The following OSBPL9 variants were observed in gnomAD, a reference collection of about 807,000 sequenced individuals.
OSBPL9 encodes oxysterol binding protein like 9.
A neutral mutation model predicts 106.6 loss-of-function variants in OSBPL9; 40 were observed. That is an observed-to-expected ratio of 0.38 (90% CI 0.29 to 0.49). The LOEUF is 0.49. Among genes scored for constraint, OSBPL9 ranks in the 20% least tolerant of loss-of-function variants. The pLI is 0.97. For synonymous variants in OSBPL9, 269 were observed against 295.4 expected, an observed-to-expected ratio of 0.91 and a Z score of 0.92; for missense variants, 609 against 887.2, an observed-to-expected ratio of 0.69 and a Z score of 3.98.
chr1:51,532,211 A>G, the OSBPL9 span, among the ~76,000 whole-genome samples: 1 of 152,236 alleles, frequency 6.6e-6, no homozygotes, highest in African/African-American at 2.4e-5. Flanking sequence ...TGTCTAGCTG[A>G]AATGAAGAGC....
upstream of OSBPL9, among the ~76,000 whole-genome samples, chr1:51,572,846 TA>T (rs1267051501): frequency 3.3e-5 from 5 of 152,246 alleles, no homozygotes; most frequent in Admixed American, 3.3e-4. Context: ...TTCCATCTGC[TA>T]ATTTTTTTAG....
At chr1:51,758,191 C>T (rs1340999730) in intron 9 of OSBPL9, among the ~76,000 whole-genome samples, 1 of 152,046 alleles carries the variant, frequency 6.6e-6, no homozygotes, top group Non-Finnish European at 1.5e-5. Context: ...CAAATTTAAT[C>T]ATAGATCTAA....
At chr1:51,627,205 T>C (rs1293434014) in intron 1 of OSBPL9, among the ~76,000 whole-genome samples, 1 of 152,168 alleles carries the variant, frequency 6.6e-6, no homozygotes, top group African/African-American at 2.4e-5. Flanking sequence ...CTTGCCATGT[T>C]GCTCACACTG....
the OSBPL9 span, among the ~76,000 whole-genome samples, chr1:51,571,240 A>T: frequency 6.6e-6 from 1 of 152,220 alleles, no homozygotes; most frequent in Non-Finnish European, 1.5e-5. Context: ...GAAAGACTCA[A>T]TAAGTATGTG....
the OSBPL9 span, among the ~76,000 whole-genome samples, chr1:51,544,836 G>GTTTT: frequency 6.1e-4 from 77 of 126,682 alleles, no homozygotes; most frequent in African/African-American, 1.2e-3. Context: ...TAAGAGACAT[G>GTTTT]CTTTTTTTTT....
At chr1:51,702,735 TG>T (rs1400526478) in intron 3 of OSBPL9, among the ~76,000 whole-genome samples, 1 of 152,258 alleles carries the variant, frequency 6.6e-6, no homozygotes, top group Non-Finnish European at 1.5e-5. Context: ...ATGTCCTGAA[TG>T]GTATTGCCTA....
chr1:51,593,055 G>C (rs1482022185), intron 1 of OSBPL9, among the ~76,000 whole-genome samples: 1 of 152,170 alleles, frequency 6.6e-6, no homozygotes, highest in Non-Finnish European at 1.5e-5. Context: ...CTTTGTTACA[G>C]TGAAGCTGAG....
chr1:51,699,651 C>T (rs1656817543), intron 3 of OSBPL9, among the ~76,000 whole-genome samples: 2 of 152,106 alleles, frequency 1.3e-5, no homozygotes, highest in African/African-American at 4.8e-5. Flanking sequence ...TCATTTTATA[C>T]CTTCTCTGTC....
At chr1:51,775,385 C>G (rs1674816835) in intron 14 of OSBPL9, among the ~76,000 whole-genome samples, 1 of 151,724 alleles carries the variant, frequency 6.6e-6, no homozygotes, top group Middle Eastern at 3.2e-3. Context: ...TTATCACAGC[C>G]TTACTCTTCT....
At chr1:51,540,116 C>A in the OSBPL9 span, among the ~76,000 whole-genome samples, 1 of 152,112 alleles carries the variant, frequency 6.6e-6, no homozygotes, top group African/African-American at 2.4e-5. Context: ...ATATTGTTTT[C>A]TCTGATCTTC....
chr1:51,605,735 C>T (rs1042285703), intron 2 of OSBPL9, among the ~76,000 whole-genome samples: 2 of 152,150 alleles, frequency 1.3e-5, no homozygotes, highest in African/African-American at 4.8e-5. Flanking sequence ...GTAATCCCAG[C>T]ACTTTGGGAG....
chr1:51,692,435 A>G (rs909912043), intron 3 of OSBPL9, among the ~76,000 whole-genome samples: 13 of 152,324 alleles, frequency 8.5e-5, no homozygotes, highest in African/African-American at 2.6e-4. Flanking sequence ...TACATGCCAT[A>G]CTTTTTTATG....
chr1:51,763,871 AT>A (rs768175036), intron 11 of OSBPL9, among the ~76,000 whole-genome samples: 8 of 152,204 alleles, frequency 5.3e-5, no homozygotes, highest in Non-Finnish European at 1.2e-4. Context: ...AACAACCAAA[AT>A]TCCAAAATTT....
chr1:51,622,209 G>T lies in OSBPL9; in HGVS notation c.111+4988G>T, dbSNP rs370659136. On this transcript the variant is annotated intron_variant, in intron 1 of 23. Transcript: ENST00000428468. ...GGGGGAGAGAAGTGGTTGCTTTGGG[G>T]CATGTTGAAATTGACATAAAGATGT... Among the ~76,000 whole-genome samples, 139 of 152,262 alleles carry T rather than the reference G, an allele frequency of 9.1e-4. 1 individual carries two copies. Among genetic ancestry groups the T allele is most frequent in the African/African-American group, 3.3e-3 (137 of 41,548 alleles).
intron 3 of OSBPL9, among the ~76,000 whole-genome samples, chr1:51,688,386 C>G (rs557247563): frequency 6.6e-6 from 1 of 152,228 alleles, no homozygotes; most frequent in South Asian, 2.1e-4. Flanking sequence ...AATCTCAATA[C>G]TATGGGAGTT....
At chr1:51,642,083 G>A (rs1471891200) in intron 1 of OSBPL9, among the ~76,000 whole-genome samples, 1 of 152,108 alleles carries the variant, frequency 6.6e-6, no homozygotes, top group Non-Finnish European at 1.5e-5. Context: ...AATCTGTGAA[G>A]TTTAATTTGT....
intron 4 of OSBPL9, among the ~76,000 whole-genome samples, chr1:51,734,594 G>C (rs1042424542): frequency 1.3e-5 from 2 of 152,074 alleles, no homozygotes; most frequent in African/African-American, 4.8e-5. Context: ...GGAAGTATTG[G>C]CATCACACAA....
intron 4 of OSBPL9, among the ~76,000 whole-genome samples, chr1:51,717,630 A>G (rs555773579): frequency 6.6e-6 from 1 of 151,930 alleles, no homozygotes; most frequent in African/African-American, 2.4e-5. Flanking sequence ...AGAGAAATGC[A>G]GACCAAAACT....
intron 3 of OSBPL9, among the ~76,000 whole-genome samples, chr1:51,680,503 A>G (rs906016351): frequency 1.5e-4 from 22 of 151,284 alleles, no homozygotes; most frequent in Non-Finnish European, 2.9e-4. Context: ...AAAAAAAAAG[A>G]AAAAAAAATT....
Sources: allele counts gnomAD v4.1 joint callset (sites outside exome capture counted in the v4.1 genomes callset), GRCh38; gene constraint gnomAD v4.1.1; transcripts MANE v1.5; gene names NCBI Gene and HGNC (gene_info 2026-07-23, HGNC 2026-07-21).